The following EPC1 variants were observed in gnomAD, a reference collection of about 807,000 sequenced individuals.
EPC1 encodes enhancer of polycomb homolog 1.
In EPC1, 12 loss-of-function variants were observed where a neutral mutation model predicts 98.4. The ratio of observed to expected loss-of-function variants is 0.12; its 90% CI spans 0.08 to 0.20. EPC1 has a LOEUF of 0.20. Among genes scored for constraint, EPC1 ranks in the 10% least tolerant of loss-of-function variants. The probability of loss-of-function intolerance (pLI) is 1.00; values close to 1 mark genes in which losing one functional copy is unlikely to be tolerated. For missense variants in EPC1, 729 were observed against 990.5 expected, an observed-to-expected ratio of 0.74 and a Z score of 3.54; for synonymous variants, 357 against 363.9, an observed-to-expected ratio of 0.98 and a Z score of 0.21.
intron 1 of EPC1, among the ~76,000 whole-genome samples, chr10:32,306,961 G>A (rs1042024650): frequency 6.6e-6 from 1 of 151,862 alleles, no homozygotes; most frequent in African/African-American, 2.4e-5. Context: ...TTAGGAATGT[G>A]TATTTTCTTC....
chr10:32,378,319 A>AT (rs976167444), intron 1 of EPC1, among the ~76,000 whole-genome samples: 65 of 149,446 alleles, frequency 4.3e-4, no homozygotes, highest in Admixed American at 1.1e-3. Context: ...AAAAAAAACT[A>AT]TTTTTTTTTC....
intron 1 of EPC1, among the ~76,000 whole-genome samples, chr10:32,314,153 GAA>G (rs1305833541): frequency 6.6e-6 from 1 of 152,048 alleles, no homozygotes; most frequent in Non-Finnish European, 1.5e-5. Flanking sequence ...ATAATTTAAA[GAA>G]ATATTTAATA....
intron 1 of EPC1, among the ~76,000 whole-genome samples, chr10:32,333,654 T>C (rs181941337): frequency 6.6e-6 from 1 of 152,292 alleles, no homozygotes; most frequent in Admixed American, 6.5e-5. Context: ...TAAAATCTTC[T>C]GTTAAGAGCT....
chr10:32,297,245 T>TGAC (rs1464278443), intron 2 of EPC1, among the ~76,000 whole-genome samples: 3 of 151,766 alleles, frequency 2.0e-5, no homozygotes, highest in African/African-American at 4.8e-5. Flanking sequence ...CTAATTAAGT[T>TGAC]CTATCAATTA....
chr10:32,294,975 C>T (rs1346074990), intron 2 of EPC1, among the ~76,000 whole-genome samples: 2 of 152,052 alleles, frequency 1.3e-5, no homozygotes, highest in African/African-American at 2.4e-5. Flanking sequence ...AGGCAAATGC[C>T]TATTTATTCT....
chr10:32,269,320 TATAA>T (rs1835724264), intron 13 of EPC1, 185 bp from the exon 14 acceptor site: 2 of 509,964 alleles, frequency 3.9e-6, no homozygotes, highest in African/African-American at 1.9e-5. Flanking sequence ...TAATGTTGAC[TATAA>T]ATAAATTCCA....
chr10:32,346,685 G>C (rs1377419041), intron 1 of EPC1, 78 bp downstream of exon 1: 2 of 1,427,606 alleles, frequency 1.4e-6, no homozygotes, highest in Non-Finnish European at 2.0e-6. Context: ...TTTTGTGTGG[G>C]TTTGCTGCTC....
At position 32,287,148 on chromosome 10, in the gene EPC1, C is replaced by G. The variant is rs1339651581; in HGVS notation, c.1102G>C (p.Asp368His). ...CTGGGAAAGTCATACTGATTCAGAT[C>G]TTTAGCATTGAAGACTGGCAGTGCA... ...PAALPVFNAK[D>H]LNQYDFPSSD... The change falls in exon 7 of 14, where the codon GAT (aspartate) becomes CAT (histidine). Residue 368 changes from aspartate (D) to histidine (H), a missense_variant. Physicochemically the swap from Asp to His is moderately conservative, Grantham distance 81 (BLOSUM62 -1). Coordinates refer to ENST00000319778, the MANE Select transcript of EPC1 (RefSeq NM_001272004.3). 6.2e-7 allele frequency: 1 copy of G among 1,614,044 alleles called. No homozygotes were observed. The highest frequency in any genetic ancestry group is 2.2e-5 in the East Asian group (1 of 44,886).
chr10:32,270,614 C>G (rs1835791396), intron 13 of EPC1, among the ~76,000 whole-genome samples: 1 of 151,932 alleles, frequency 6.6e-6, no homozygotes, highest in African/African-American at 2.4e-5. Flanking sequence ...CACCTGAGGT[C>G]AGGGGTTCAA....
intron 9 of EPC1, chr10:32,285,366 G>T: frequency 4.0e-6 from 1 of 248,850 alleles, no homozygotes; most frequent in Admixed American, 5.0e-5. Context: ...TGGGGGGAAA[G>T]GGAGAAGAGA....
chr10:32,297,972 TA>T (rs1250967819), intron 2 of EPC1, among the ~76,000 whole-genome samples: 1 of 151,950 alleles, frequency 6.6e-6, no homozygotes, highest in Non-Finnish European at 1.5e-5. Flanking sequence ...TAATTTTTTG[TA>T]TTTTTAGTGG....
At chr10:32,303,414 T>G (rs1835689096) in intron 2 of EPC1, among the ~76,000 whole-genome samples, 1 of 152,228 alleles carries the variant, frequency 6.6e-6, no homozygotes, top group African/African-American at 2.4e-5. Context: ...CCAAATGTTC[T>G]TCAATGAGTG....
chr10:32,325,532 C>A lies in EPC1; in HGVS notation c.154-19601G>T, dbSNP rs182339965. ...AATTTTATCTTTTCTTGTAAAGGTT[C>A]TGAGGCTAATATAAACATCACACAA... On this transcript the variant is annotated intron_variant, in intron 1 of 13. Transcript: ENST00000319778. Among the ~76,000 whole-genome samples the A allele has an allele frequency of 3.3e-3, 510 of 152,272 alleles. 3 individuals are homozygous for A. The highest frequency in any genetic ancestry group is 0.011 in the African/African-American group (470 of 41,562).
intron 1 of EPC1, among the ~76,000 whole-genome samples, chr10:32,344,061 T>C (rs1231156101): frequency 3.9e-5 from 6 of 152,232 alleles, no homozygotes; most frequent in Non-Finnish European, 7.3e-5. Context: ...ATAACTAATG[T>C]GTCAGTTAAA....
intron 1 of EPC1, among the ~76,000 whole-genome samples, chr10:32,358,655 C>CG (rs570588612): frequency 1.7e-3 from 160 of 96,396 alleles, no homozygotes; most frequent in Middle Eastern, 9.6e-3. Flanking sequence ...AAAGCGGGGG[C>CG]GGGGGGGGAA....
At chr10:32,339,561 T>A (rs979192614) in intron 1 of EPC1, among the ~76,000 whole-genome samples, 1 of 152,122 alleles carries the variant, frequency 6.6e-6, no homozygotes, top group African/African-American at 2.4e-5. Flanking sequence ...ATAATAATAA[T>A]AACAACCTAA....
chr10:32,355,106 A>T (rs1839233705), intron 1 of EPC1, among the ~76,000 whole-genome samples: 1 of 152,206 alleles, frequency 6.6e-6, no homozygotes, highest in Non-Finnish European at 1.5e-5. Context: ...CCCTGGATCC[A>T]TAGAAAAGTT....
upstream of EPC1, among the ~76,000 whole-genome samples, chr10:32,348,829 C>T (rs1300189785): frequency 2.0e-5 from 3 of 152,152 alleles, no homozygotes; most frequent in African/African-American, 4.8e-5. Context: ...AAGCCCAGGC[C>T]ACTGTGGGAA....
At chr10:32,351,501 A>G (rs756055674), upstream of EPC1, among the ~76,000 whole-genome samples, 13 of 151,808 alleles carry the variant, frequency 8.6e-5, no homozygotes, top group Non-Finnish European at 7.4e-5. Flanking sequence ...TACTAAAAAT[A>G]CAAAAAATTA....
Sources: gnomAD v4.1 joint callset for allele counts (sites outside exome capture counted in the v4.1 genomes callset) on GRCh38, gnomAD v4.1.1 for gene constraint, MANE v1.5 for transcripts, NCBI Gene and HGNC (gene_info 2026-07-23, HGNC 2026-07-21) for gene names.